ADK: variants seen among roughly 807,000 people sequenced by gnomAD.
ADK encodes the protein N6,N6-dimethyladenosine kinase.
A neutral mutation model predicts 44.7 loss-of-function variants in ADK; 24 were observed. That is an observed-to-expected ratio of 0.54 (90% CI 0.39 to 0.76). The LOEUF (loss-of-function observed/expected upper bound fraction) is 0.76, where lower values mean the gene tolerates loss of function less well. ADK is among the 30% of genes least tolerant of loss of function. ADK has a pLI of 0.00. For missense variants in ADK, 321 were observed against 425.1 expected, an observed-to-expected ratio of 0.76 and a Z score of 2.15; for synonymous variants, 128 against 142.6, an observed-to-expected ratio of 0.90 and a Z score of 0.73.
intron 4 of ADK, chr10:74,372,441 C>T: frequency 3.6e-6 from 2 of 549,696 alleles, no homozygotes; most frequent in Non-Finnish European, 6.6e-6. Context: ...CGCTCTTAAG[C>T]AACATGGAAA....
At chr10:74,195,183 G>C (rs1459460605) in intron 1 of ADK, among the ~76,000 whole-genome samples, 1 of 151,734 alleles carries the variant, frequency 6.6e-6, no homozygotes, top group Non-Finnish European at 1.5e-5. Flanking sequence ...ATCCCAGTAC[G>C]GGTTAGTCAT....
chr10:74,333,644 G>A (rs1841303825), intron 4 of ADK, among the ~76,000 whole-genome samples: 1 of 152,116 alleles, frequency 6.6e-6, no homozygotes, highest in South Asian at 2.1e-4. Flanking sequence ...AGAGCTGAAA[G>A]GCAACAGTAA....
At chr10:74,414,553 T>C (rs948045410) in intron 6 of ADK, among the ~76,000 whole-genome samples, 4 of 152,118 alleles carry the variant, frequency 2.6e-5, no homozygotes, top group African/African-American at 9.7e-5. Flanking sequence ...CTGGCCAACA[T>C]GGTGAAACCC....
At chr10:74,629,616 A>T (rs1158046937) in intron 9 of ADK, among the ~76,000 whole-genome samples, 1 of 152,202 alleles carries the variant, frequency 6.6e-6, no homozygotes, top group African/African-American at 2.4e-5. Context: ...AAGAGCTTAT[A>T]CTTGTGAAGT....
chr10:74,509,188 A>G (rs1487047692), intron 6 of ADK, among the ~76,000 whole-genome samples: 1 of 151,604 alleles, frequency 6.6e-6, no homozygotes, highest in East Asian at 1.9e-4. Flanking sequence ...TTCATGGAAT[A>G]CATTATGATT....
chr10:74,603,111 T>C (rs961191727), intron 9 of ADK, among the ~76,000 whole-genome samples: 7 of 152,064 alleles, frequency 4.6e-5, no homozygotes, highest in African/African-American at 1.7e-4. Flanking sequence ...ATGGATCAGC[T>C]TTTTCCCACC....
At chr10:74,300,050 T>G (rs905313430) in intron 3 of ADK, among the ~76,000 whole-genome samples, 3 of 151,474 alleles carry the variant, frequency 2.0e-5, no homozygotes, top group South Asian at 2.1e-4. Context: ...CTTCTTCGTC[T>G]TCTTTTTTTT....
chr10:74,182,348 TTTTATTTATTTATTTA>T (rs370735383), intron 1 of ADK, among the ~76,000 whole-genome samples: 3 of 145,650 alleles, frequency 2.1e-5, no homozygotes, highest in African/African-American at 5.0e-5. Context: ...ACAGAAATCT[TTTTATTTATTTATTTA>T]TTTATTTATT....
chr10:74,666,858 A>C lies in ADK; in HGVS notation c.878-3325A>C, dbSNP rs531770142. Reference sequence around the variant, plus strand: ...TTTTTTTTTTTTTTTTTTGAGACTGAGTCTCACTGTTGCCCAGGCTGAAGT... The same window carrying C: ...TTTTTTTTTTTTTTTTTTGAGACTGCGTCTCACTGTTGCCCAGGCTGAAGT... On this transcript the variant is annotated intron_variant, in intron 9 of 10. Transcript: ENST00000539909. Among the ~76,000 whole-genome samples the C allele has an allele frequency of 4.7e-5, 6 of 126,976 alleles. No individual in the cohort carries two copies. The South Asian group carries it at 1.2e-3, about 26-fold the overall frequency. The allele number at this position is 126,976 out of a possible 152,430, so 83.3% of individuals were successfully genotyped here.
chr10:74,275,192 CT>C (rs948289459), intron 3 of ADK, among the ~76,000 whole-genome samples: 1 of 152,070 alleles, frequency 6.6e-6, no homozygotes, highest in Non-Finnish European at 1.5e-5. Flanking sequence ...TGTAGTCGAC[CT>C]TTCCTGATCA....
chr10:74,238,669 T>C (rs1845070671), intron 3 of ADK, among the ~76,000 whole-genome samples: 1 of 152,176 alleles, frequency 6.6e-6, no homozygotes, highest in Non-Finnish European at 1.5e-5. Context: ...TGCAAAGTTA[T>C]GGTCTCATGG....
At chr10:74,609,392 T>C (rs1170050179) in intron 9 of ADK, among the ~76,000 whole-genome samples, 1 of 152,148 alleles carries the variant, frequency 6.6e-6, no homozygotes, top group African/African-American at 2.4e-5. Flanking sequence ...AATCTCCTGG[T>C]CTGCGAGTTG....
chr10:74,477,195 G>A (rs1475774347), intron 6 of ADK, among the ~76,000 whole-genome samples: 1 of 152,028 alleles, frequency 6.6e-6, no homozygotes, highest in East Asian at 1.9e-4. Flanking sequence ...ACATGATTAA[G>A]ATTTTTTTAT....
At chr10:74,240,372 T>TGTGTGTG (rs1845159518) in intron 3 of ADK, among the ~76,000 whole-genome samples, 3 of 147,140 alleles carry the variant, frequency 2.0e-5, no homozygotes, top group Admixed American at 1.4e-4. Flanking sequence ...TCCTTTTATT[T>TGTGTGTG]TGTGTGTGTG....
chr10:74,333,703 T>C (rs954542580), intron 4 of ADK, among the ~76,000 whole-genome samples: 1 of 152,162 alleles, frequency 6.6e-6, no homozygotes, highest in African/African-American at 2.4e-5. Flanking sequence ...TCTATTTTTT[T>C]CTCAAAAACT....
chr10:74,574,800 A>G (rs1358905679), intron 7 of ADK, among the ~76,000 whole-genome samples: 1 of 152,228 alleles, frequency 6.6e-6, no homozygotes, highest in Non-Finnish European at 1.5e-5. Flanking sequence ...GATCTTTGCT[A>G]CCATCCCTGA....
At chr10:74,163,243 G>A (rs1245074653) in intron 1 of ADK, among the ~76,000 whole-genome samples, 1 of 152,220 alleles carries the variant, frequency 6.6e-6, no homozygotes, top group Non-Finnish European at 1.5e-5. Context: ...TGGGATTACA[G>A]GCGCGAGCCA....
At chr10:74,543,175 C>T (rs1163272938) in intron 7 of ADK, among the ~76,000 whole-genome samples, 1 of 150,714 alleles carries the variant, frequency 6.6e-6, no homozygotes, top group Non-Finnish European at 1.5e-5. Flanking sequence ...GCTGGGATTA[C>T]AGGCGTGAGC....
At chr10:74,493,244 T>C (rs1178991660) in intron 6 of ADK, among the ~76,000 whole-genome samples, 1 of 151,936 alleles carries the variant, frequency 6.6e-6, no homozygotes, top group African/African-American at 2.4e-5. Flanking sequence ...GTGAGTGACA[T>C]GATTATGGCT....
Sources: gnomAD v4.1 joint callset for allele counts (sites outside exome capture counted in the v4.1 genomes callset) on GRCh38, gnomAD v4.1.1 for gene constraint, MANE v1.5 for transcripts, NCBI Gene and HGNC (gene_info 2026-07-23, HGNC 2026-07-21) for gene names.